Variants in IGSF10 observed in about 807,000 individuals in gnomAD.
IGSF10 encodes the protein immunoglobulin superfamily member 10.
Under a neutral mutation model 128.2 loss-of-function variants are expected in IGSF10, and 126 were observed. The ratio of observed to expected loss-of-function variants is 0.98; its 90% confidence interval spans 0.85 to 1.14. IGSF10 has a LOEUF of 1.14. Among genes scored for constraint, IGSF10 ranks in the 50% most tolerant of loss-of-function variants. IGSF10 has a pLI of 0.00. For missense variants in IGSF10, 3,295 were observed against 3,149.8 expected, an observed-to-expected ratio of 1.05 and a Z score of -1.10; for synonymous variants, 1,185 against 1,146.2, an observed-to-expected ratio of 1.03 and a Z score of -0.68.
chr3:151,602,113 G>A, the IGSF10 span, among the ~76,000 whole-genome samples: 1 of 152,092 alleles, frequency 6.6e-6, no homozygotes, highest in African/African-American at 2.4e-5. Flanking sequence ...AATATTTACT[G>A]TGATAGTCTC....
At chr3:151,591,338 A>G in the IGSF10 span, among the ~76,000 whole-genome samples, 2 of 148,544 alleles carry the variant, frequency 1.3e-5, no homozygotes, top group Admixed American at 1.4e-4. Context: ...TTCTTTGTAA[A>G]AAGCATTAAA....
chr3:151,530,565 G>C, the IGSF10 span, among the ~76,000 whole-genome samples: 1 of 152,068 alleles, frequency 6.6e-6, no homozygotes, highest in East Asian at 1.9e-4. Flanking sequence ...AATATTCAAC[G>C]TTCTTAAAGA....
chr3:151,593,825 GA>G, the IGSF10 span, among the ~76,000 whole-genome samples: 1 of 152,060 alleles, frequency 6.6e-6, no homozygotes, highest in African/African-American at 2.4e-5. Context: ...CTGTGACTAA[GA>G]AAACCTTTTT....
At position 151,445,040 on chromosome 3, in the gene IGSF10, C is replaced by A. The variant is rs763803025; in HGVS notation, c.4941G>T (p.Lys1647Asn). ...FDSLSRYIFE[K>N]PRIVGGKAAS... ...CAGCTTTTCCTCCAACTATCCTGGGCTTTTCAAATATATACCTAGACAAAG... is the reference window on the plus strand; with the variant it reads ...CAGCTTTTCCTCCAACTATCCTGGGATTTTCAAATATATACCTAGACAAAG... The change falls in exon 6 of 8, where the codon AAG becomes AAT. Residue 1647 changes from lysine (K) to asparagine (N), a missense_variant. Coordinates refer to ENST00000282466, the MANE Select transcript of IGSF10 (RefSeq NM_178822.5). 1.9e-6 allele frequency: 3 copies of A among 1,614,062 alleles called. No individual in the cohort carries two copies. The highest frequency in any genetic ancestry group is 2.5e-6 in the Non-Finnish European group (3 of 1,180,044).
the IGSF10 span, among the ~76,000 whole-genome samples, chr3:151,550,683 T>G: frequency 7.9e-5 from 12 of 152,148 alleles, no homozygotes; most frequent in African/African-American, 2.9e-4. Context: ...TTTTCTCGTT[T>G]TTTACATTTC....
chr3:151,441,474 A>C (rs1426249031), intron 7 of IGSF10, among the ~76,000 whole-genome samples: 1 of 152,226 alleles, frequency 6.6e-6, no homozygotes, highest in Non-Finnish European at 1.5e-5. Flanking sequence ...TTACTTTTGA[A>C]CTAAAGATCA....
the IGSF10 span, among the ~76,000 whole-genome samples, chr3:151,537,408 G>A: frequency 1.3e-5 from 2 of 152,150 alleles, no homozygotes; most frequent in Admixed American, 6.6e-5. Context: ...TGATGAGGTT[G>A]AGGCCGAGAA....
chr3:151,448,908 A>G lies in IGSF10; in HGVS notation c.1073T>C (p.Phe358Ser). ...TATGTTGCACACCAAAAATGTTGAAAATGAAGTATTTAGCACGATGTAGTC... is the reference window on the plus strand; with the variant it reads ...TATGTTGCACACCAAAAATGTTGAAGATGAAGTATTTAGCACGATGTAGTC... ...ENDYIVLNTS[F>S]STFLVCNIDY... Residue 358 changes from phenylalanine to serine, a missense_variant, in exon 6 of 8, where the codon TTT (phenylalanine) becomes TCT (serine). Coordinates refer to ENST00000282466, the MANE Select transcript of IGSF10 (RefSeq NM_178822.5). 6.2e-7 allele frequency: 1 copy of G among 1,614,216 alleles called. No homozygotes were observed. The highest frequency in any genetic ancestry group is 8.5e-7 in the Non-Finnish European group (1 of 1,180,036).
At chr3:151,529,504 G>A in the IGSF10 span, among the ~76,000 whole-genome samples, 83 of 152,158 alleles carry the variant, frequency 5.5e-4, no homozygotes, top group African/African-American at 1.9e-3. Context: ...AGCTTCCAGA[G>A]GAAGGAACAG....
downstream of IGSF10, chr3:151,433,773 G>GGT (rs1470500750): frequency 1.3e-5 from 2 of 152,560 alleles, no homozygotes; most frequent in African/African-American, 4.8e-5. Flanking sequence ...TTTCATAAAA[G>GGT]GTGTATTTGC....
At chr3:151,458,248 G>A (rs1577678225) in intron 3 of IGSF10, among the ~76,000 whole-genome samples, 1 of 151,982 alleles carries the variant, frequency 6.6e-6, no homozygotes, top group Admixed American at 6.6e-5. Context: ...CAGCAAAAAT[G>A]TAGCCAGAAA....
At chr3:151,554,509 T>C in the IGSF10 span, among the ~76,000 whole-genome samples, 1 of 147,862 alleles carries the variant, frequency 6.8e-6, no homozygotes, top group African/African-American at 2.7e-5. Context: ...TGCCTAACTC[T>C]CATAGTTCAT....
the IGSF10 span, among the ~76,000 whole-genome samples, chr3:151,612,789 T>C: frequency 2.0e-5 from 3 of 152,178 alleles, no homozygotes; most frequent in East Asian, 5.8e-4. Context: ...TAGAAATTTG[T>C]AGGCAAAGGA....
At chr3:151,463,522 G>GTTTTTTTT (rs1553837055), upstream of IGSF10, among the ~76,000 whole-genome samples, 1 of 31,870 alleles carries the variant, frequency 3.1e-5, no homozygotes, top group African/African-American at 1.2e-4. Flanking sequence ...TACATTTTCT[G>GTTTTTTTT]GTTTTTTTTT....
chr3:151,585,191 G>C, the IGSF10 span, among the ~76,000 whole-genome samples: 1 of 152,132 alleles, frequency 6.6e-6, no homozygotes, highest in Non-Finnish European at 1.5e-5. Context: ...GTACAAAAAA[G>C]TATGCAAAAT....
At chr3:151,563,146 T>G in the IGSF10 span, among the ~76,000 whole-genome samples, 3 of 152,000 alleles carry the variant, frequency 2.0e-5, no homozygotes, top group Admixed American at 2.0e-4. Context: ...AGGGTATGCT[T>G]GAGTTAATGC....
chr3:151,434,832 T>A (rs1398652784), downstream of IGSF10: 1 of 152,244 alleles, frequency 6.6e-6, no homozygotes, highest in African/African-American at 2.4e-5. Flanking sequence ...GTATGCACTT[T>A]ATACTTTGCA....
chr3:151,436,622 T>G lies in IGSF10; in HGVS notation c.*67A>C. ...TCAAATTCATTTACATGCCTATGGC[T>G]GCCTTTGATTAAACTTCTTCCAAAA... On this transcript the variant is annotated 3_prime_UTR_variant, in exon 8 of 8. Transcript: ENST00000282466. 1 of 1,098,268 alleles carries G rather than the reference T, an allele frequency of 9.1e-7. No individual in the cohort carries two copies. The highest frequency in any genetic ancestry group is 1.3e-6 in the Non-Finnish European group (1 of 753,952). 68.0% of individuals were successfully genotyped at this position (1,098,268 alleles called of 1,614,324 possible).
At position 151,436,904 on chromosome 3, in the gene IGSF10, A is replaced by G. The variant is rs1290722544; in HGVS notation, c.7657T>C (p.Leu2553=). The G allele has an allele frequency of 2.5e-6, 4 of 1,614,050 alleles. No homozygotes were observed. Among genetic ancestry groups the G allele is most frequent in the East Asian group, 2.2e-5 (1 of 44,898 alleles). ...GAAFQLHCVA[L]GVPKPEITWE... ...GTGATTTCTGGCTTGGGAACTCCCA[A>G]GGCCACACAGTGGAGCTGAAAGGCT... Residue 2553 remains leucine (L), a synonymous_variant, in exon 8 of 8, where the codon TTG becomes CTG. Transcript: ENST00000282466.
Sources: gnomAD v4.1 joint callset for allele counts (sites outside exome capture counted in the v4.1 genomes callset) on GRCh38, gnomAD v4.1.1 for gene constraint, MANE v1.5 for transcripts, NCBI Gene and HGNC (gene_info 2026-07-23, HGNC 2026-07-21) for gene names.